The following THADA variants were observed in gnomAD, a reference collection of about 807,000 sequenced individuals.
The protein encoded by THADA is THADA armadillo repeat containing.
A neutral mutation model predicts 219.8 loss-of-function variants in THADA; 213 were observed. That is an observed-to-expected ratio of 0.97 (90% CI 0.87 to 1.09). The LOEUF is 1.09. Ranked by LOEUF, THADA falls within the 50% of genes least tolerant of loss-of-function variation. The pLI, the probability that THADA is intolerant of heterozygous loss-of-function variation, is 0.00. For synonymous variants in THADA, 1,018 were observed against 828.9 expected (o/e 1.23, Z -3.92); for missense variants, 2,956 against 2,311.3 (o/e 1.28, Z -5.72).
At chr2:43,291,206 T>C (rs2104362887) in intron 34 of THADA, among the ~76,000 whole-genome samples, 1 of 151,810 alleles carries the variant, frequency 6.6e-6, no homozygotes, top group African/African-American at 2.4e-5. Flanking sequence ...TCTCAGCACT[T>C]TGGGAGGCCG....
chr2:43,398,298 T>C (rs1558696376), intron 28 of THADA, among the ~76,000 whole-genome samples, 159 bp from the exon 29 acceptor site: 1 of 152,232 alleles, frequency 6.6e-6, no homozygotes, highest in Non-Finnish European at 1.5e-5. Context: ...TCTGCACTAG[T>C]TCTACAGGTG....
chr2:43,428,174 C>T lies in THADA; in HGVS notation c.3984G>A (p.Glu1328=), dbSNP rs1410631381. Reference sequence around the variant, plus strand: ...CATCCATCGGGGAAGCGTAGAGTCTCTCCAACACCAAAAGTAAGAGAAACA... The same window carrying T: ...CATCCATCGGGGAAGCGTAGAGTCTTTCCAACACCAAAAGTAAGAGAAACA... ...PSMFLLLLVL[E]RLYASPMDGT... Residue 1328 remains glutamate (E), a synonymous_variant, in exon 28 of 38, where the codon GAG becomes GAA. Coordinates refer to ENST00000405975, the MANE Select transcript of THADA (RefSeq NM_022065.5). The T allele has an allele frequency of 1.9e-6, 3 of 1,609,674 alleles. No individual in the cohort carries two copies. The highest frequency in any genetic ancestry group is 1.1e-5 in the South Asian group (1 of 90,448).
chr2:43,295,551 CCAAGATGTTAA>C (rs1212075092), intron 31 of THADA, among the ~76,000 whole-genome samples: 1 of 152,150 alleles, frequency 6.6e-6, no homozygotes, highest in African/African-American at 2.4e-5. Flanking sequence ...ACAACTGTAC[CCAAGATGTTAA>C]CAAGTTTATC....
chr2:43,449,901 C>G (rs1261451040), intron 26 of THADA, among the ~76,000 whole-genome samples: 1 of 152,134 alleles, frequency 6.6e-6, no homozygotes, highest in East Asian at 1.9e-4. Flanking sequence ...ACAAAAAAAC[C>G]TGTTAACCAA....
intron 28 of THADA, among the ~76,000 whole-genome samples, chr2:43,421,618 ACT>A (rs1450825835): frequency 6.6e-6 from 1 of 152,222 alleles, no homozygotes; most frequent in Non-Finnish European, 1.5e-5. Flanking sequence ...CTTCTCAAAG[ACT>A]CAGATGTTCT....
At chr2:43,591,022 C>A in intron 3 of THADA, 68 bp from the exon 4 acceptor site, 1 of 1,471,178 alleles carries the variant, frequency 6.8e-7, no homozygotes, top group Non-Finnish European at 9.3e-7. Context: ...GTTACAGATA[C>A]TCTTTGAAGT....
At position 43,553,009 on chromosome 2, in the gene THADA, T is replaced by C. The variant is rs151122743; in HGVS notation, c.2675-670A>G. On this transcript the variant is annotated intron_variant, in intron 17 of 37. Coordinates refer to ENST00000405975, the MANE Select transcript of THADA (RefSeq NM_022065.5). ...CATACAATATGCGATCTTTTGAAAC[T>C]GGCTTTTCACTTAGCATAATGTTTG... Among the ~76,000 whole-genome samples the C allele has an allele frequency of 2.2e-4, 34 of 152,292 alleles. 1 individual carries two copies. The East Asian group carries it at 6.6e-3, about 29-fold the overall frequency.
At chr2:43,337,602 G>C (rs1666607463) in intron 30 of THADA, among the ~76,000 whole-genome samples, 1 of 152,072 alleles carries the variant, frequency 6.6e-6, no homozygotes, top group Non-Finnish European at 1.5e-5. Context: ...ATCTGGCAGT[G>C]TATACCAAGA....
At chr2:43,295,982 C>A (rs913493345) in intron 31 of THADA, among the ~76,000 whole-genome samples, 1 of 147,162 alleles carries the variant, frequency 6.8e-6, no homozygotes, top group Non-Finnish European at 1.5e-5. Flanking sequence ...TGCAGTGGTG[C>A]GATCTCGGCT....
intron 20 of THADA, among the ~76,000 whole-genome samples, chr2:43,545,223 C>T (rs889090823): frequency 2.0e-5 from 3 of 151,430 alleles, no homozygotes; most frequent in Non-Finnish European, 2.9e-5. Flanking sequence ...AGGGATGAAG[C>T]CCACTTGATC....
chr2:43,453,206 G>C (rs1682574550), intron 26 of THADA, among the ~76,000 whole-genome samples: 1 of 152,180 alleles, frequency 6.6e-6, no homozygotes, highest in African/African-American at 2.4e-5. Flanking sequence ...ACAATTAGAA[G>C]AAATAAGACT....
At chr2:43,356,823 T>C (rs1668915092) in intron 29 of THADA, among the ~76,000 whole-genome samples, 1 of 152,188 alleles carries the variant, frequency 6.6e-6, no homozygotes. Flanking sequence ...TACTCACTAA[T>C]GGGATGTATG....
rs72881009 is a variant in THADA at position 43,424,727 on chromosome 2, G to A, written c.4058+3373C>T. On this transcript the variant is annotated intron_variant, in intron 28 of 37. Coordinates refer to ENST00000405975, the MANE Select transcript of THADA (RefSeq NM_022065.5). ...GCATGGGTTTTCCCTGTGGTAGGCT[G>A]ATGAAACCCCAAACTAACTAAATCT... 6.8e-3 allele frequency among the ~76,000 whole-genome samples: 1,029 copies of A among 152,314 alleles called. 14 individuals are homozygous for A. Among genetic ancestry groups the A allele is most frequent in the African/African-American group, 0.024 (979 of 41,556 alleles).
chr2:43,446,999 C>T (rs1199337175), intron 26 of THADA, among the ~76,000 whole-genome samples: 1 of 152,124 alleles, frequency 6.6e-6, no homozygotes, highest in African/African-American at 2.4e-5. Flanking sequence ...TTTCATGCTG[C>T]TATGAAGAAA....
chr2:43,520,701 C>CATAT (rs773152903), intron 22 of THADA, among the ~76,000 whole-genome samples: 3 of 111,932 alleles, frequency 2.7e-5, no homozygotes, highest in Admixed American at 8.4e-5. Context: ...AATATTTATA[C>CATAT]GTATATATAT....
intron 22 of THADA, among the ~76,000 whole-genome samples, chr2:43,512,622 C>G (rs7570748): frequency 6.6e-6 from 1 of 152,202 alleles, no homozygotes; most frequent in South Asian, 2.1e-4. Context: ...CCTGCCTCAG[C>G]CTCCTGAGTA....
At chr2:43,384,262 TTTACTGAACAA>T (rs1159485393) in intron 29 of THADA, among the ~76,000 whole-genome samples, 1 of 152,150 alleles carries the variant, frequency 6.6e-6, no homozygotes, top group Non-Finnish European at 1.5e-5. Flanking sequence ...TCAAGACACA[TTTACTGAACAA>T]TATAGTCCTC....
intron 8 of THADA, among the ~76,000 whole-genome samples, chr2:43,579,599 A>T (rs77215456): frequency 0.017 from 2,646 of 152,332 alleles, 81 homozygotes; most frequent in African/African-American, 0.061. Context: ...AGCCAAAAGC[A>T]GGATACTTGC....
intron 4 of THADA, 130 bp downstream of exon 4, chr2:43,590,694 A>G: frequency 1.1e-6 from 1 of 939,336 alleles, no homozygotes; most frequent in Non-Finnish European, 1.6e-6. Context: ...TGAAACAGAG[A>G]ACAAACCATA....
Sources: allele counts gnomAD v4.1 joint callset (sites outside exome capture counted in the v4.1 genomes callset), GRCh38; gene constraint gnomAD v4.1.1; transcripts MANE v1.5; gene names NCBI Gene and HGNC (gene_info 2026-07-23, HGNC 2026-07-21).